The following RAD54B variants were observed in gnomAD, a reference collection of about 807,000 sequenced individuals.
The protein encoded by RAD54B is DNA repair and recombination protein RAD54B.
A neutral mutation model predicts 95.8 loss-of-function variants in RAD54B; 78 were observed. That is an observed-to-expected ratio of 0.81 (90% CI 0.68 to 0.98). RAD54B has a LOEUF of 0.98. RAD54B is among the 50% of genes least tolerant of loss of function. The pLI, the probability that RAD54B is intolerant of heterozygous loss-of-function variation, is 0.00. For synonymous variants in RAD54B, 328 were observed against 354.9 expected (o/e 0.92, Z 0.85); for missense variants, 957 against 1,056.6 (o/e 0.91, Z 1.31).
At chr8:94,399,294 GT>G in intron 8 of RAD54B, 119 bp downstream of exon 8, 1 of 753,992 alleles carries the variant, frequency 1.3e-6, no homozygotes, top group South Asian at 1.8e-5. Flanking sequence ...ATTAACACAG[GT>G]TTATTAGTAT....
intron 3 of RAD54B, among the ~76,000 whole-genome samples, chr8:94,435,814 G>C (rs1195529887): frequency 2.0e-5 from 3 of 152,028 alleles, no homozygotes; most frequent in African/African-American, 7.2e-5. Flanking sequence ...CAAGATCAAA[G>C]TGAAACTAGA....
At chr8:94,375,437 T>G (rs907843923) in intron 14 of RAD54B, among the ~76,000 whole-genome samples, 13 of 152,144 alleles carry the variant, frequency 8.5e-5, no homozygotes, top group Non-Finnish European at 1.8e-4. Context: ...AAAATGGGAA[T>G]TGCCCTGCAC....
intron 3 of RAD54B, among the ~76,000 whole-genome samples, chr8:94,414,042 G>T (rs1811594426): frequency 6.6e-6 from 1 of 151,894 alleles, no homozygotes; most frequent in South Asian, 2.1e-4. Flanking sequence ...CACCAGGTTG[G>T]CCAGGCTGGT....
intron 1 of RAD54B, 128 bp from the exon 2 acceptor site, chr8:94,467,683 A>G: frequency 1.1e-6 from 1 of 908,216 alleles, no homozygotes; most frequent in Non-Finnish European, 1.6e-6. Context: ...TGGCCCCCCA[A>G]GCATAGAAAC....
At chr8:94,378,413 G>C in intron 13 of RAD54B, 33 bp from the exon 14 acceptor site, 2 of 1,573,304 alleles carry the variant, frequency 1.3e-6, no homozygotes, top group Non-Finnish European at 1.7e-6. Flanking sequence ...ATTTCCTTCA[G>C]ATCTTTATGT....
chr8:94,406,963 A>T lies in RAD54B; in HGVS notation c.781+476T>A, dbSNP rs1201631671. 2.6e-5 allele frequency among the ~76,000 whole-genome samples: 4 copies of T among 152,302 alleles called. No individual in the cohort carries two copies. In the East Asian group the frequency reaches 7.7e-4, roughly 29 times the overall value. ...AATTGCATTCATCAGTGTGAAAATT[A>T]ACTGATTGAATGGAACTTTCACTAG... On this transcript the variant is annotated intron_variant, in intron 5 of 14. Coordinates refer to ENST00000336148, the MANE Select transcript of RAD54B (RefSeq NM_012415.3).
chr8:94,387,273 C>A, intron 10 of RAD54B, 114 bp from the exon 11 acceptor site: 1 of 847,482 alleles, frequency 1.2e-6, no homozygotes, highest in African/African-American at 1.7e-5. Flanking sequence ...TCTGAAAAGT[C>A]CAAGAAACTG....
chr8:94,372,089 C>T lies in RAD54B; in HGVS notation c.*81G>A, dbSNP rs1810453877. 1.3e-6 allele frequency: 2 copies of T among 1,487,114 alleles called. No homozygotes were observed. 92.1% of individuals were successfully genotyped at this position (1,487,114 alleles called of 1,614,324 possible). A position where few individuals can be genotyped will look rare whatever the true frequency, so the allele number is the denominator to read the frequency against. ...AACATATACTGTAATTTAAATAATT[C>T]TATTAATTTTCAAAAAGTACATTTA... On this transcript the variant is annotated 3_prime_UTR_variant, in exon 15 of 15. Coordinates refer to ENST00000336148, the MANE Select transcript of RAD54B (RefSeq NM_012415.3).
chr8:94,404,178 G>A lies in RAD54B; in HGVS notation c.843C>T (p.Phe281=). The A allele has an allele frequency of 6.2e-7, 1 of 1,611,516 alleles. No individual in the cohort carries two copies. Among genetic ancestry groups the A allele is most frequent in the Non-Finnish European group, 8.5e-7 (1 of 1,178,258 alleles). ...GATCAATCACTACATCCACAAGAGG[G>A]AAACAGTTCTTATTGAATACCCACT... ...NHQWVFNKNC[F]PLVDVVIDPY... is the part of the protein sequence containing the mutation. Residue 281 remains phenylalanine, a synonymous_variant, in exon 6 of 15, where the codon TTC becomes TTT. Coordinates refer to ENST00000336148, the MANE Select transcript of RAD54B (RefSeq NM_012415.3).
At chr8:94,415,895 T>G (rs1022424312) in intron 3 of RAD54B, among the ~76,000 whole-genome samples, 2 of 152,006 alleles carry the variant, frequency 1.3e-5, no homozygotes, top group African/African-American at 4.8e-5. Context: ...TGTGGAGAAA[T>G]AGGAACACTT....
intron 8 of RAD54B, among the ~76,000 whole-genome samples, chr8:94,394,497 CA>C (rs1400444413): frequency 6.6e-6 from 1 of 152,030 alleles, no homozygotes; most frequent in East Asian, 1.9e-4. Context: ...AAGTACCCAG[CA>C]AAATGCCTGA....
chr8:94,400,468 T>C lies in RAD54B; in HGVS notation c.945-5A>G. Reference sequence around the variant, plus strand: ...GCTCCACATCTGCCATTCATTCTGTTAGAAATAATTTTACTTCCTTTAATC... The same window carrying C: ...GCTCCACATCTGCCATTCATTCTGTCAGAAATAATTTTACTTCCTTTAATC... On this transcript the variant is annotated splice_polypyrimidine_tract_variant and splice_region_variant and intron_variant, in intron 6 of 14. Transcript: ENST00000336148. 1 of 1,592,658 alleles carries C rather than the reference T, an allele frequency of 6.3e-7. No homozygotes were observed. Among genetic ancestry groups the C allele is most frequent in the Non-Finnish European group, 8.6e-7 (1 of 1,167,990 alleles).
At chr8:94,390,228 G>A (rs1040470385) in intron 10 of RAD54B, among the ~76,000 whole-genome samples, 18 of 151,484 alleles carry the variant, frequency 1.2e-4, no homozygotes, top group East Asian at 7.7e-4. Flanking sequence ...GGCCAGGTGC[G>A]GTGGCTCAAG....
At chr8:94,394,735 CA>C (rs1811102326) in intron 8 of RAD54B, among the ~76,000 whole-genome samples, 1 of 152,072 alleles carries the variant, frequency 6.6e-6, no homozygotes, top group East Asian at 1.9e-4. Context: ...TCAGCACAAA[CA>C]ATGTAATATC....
intron 10 of RAD54B, among the ~76,000 whole-genome samples, chr8:94,389,213 G>A (rs921690592): frequency 2.0e-5 from 3 of 152,132 alleles, no homozygotes; most frequent in Non-Finnish European, 4.4e-5. Flanking sequence ...CCTCAGCCTC[G>A]CAAAGTGCTG....
At chr8:94,402,690 A>AG (rs1811292484) in intron 6 of RAD54B, among the ~76,000 whole-genome samples, 1 of 152,182 alleles carries the variant, frequency 6.6e-6, no homozygotes, top group Non-Finnish European at 1.5e-5. Context: ...CTAAGTTCTG[A>AG]GAGTCTCTGA....
At chr8:94,468,260 G>A (rs917068160) in intron 1 of RAD54B, among the ~76,000 whole-genome samples, 1 of 151,974 alleles carries the variant, frequency 6.6e-6, no homozygotes, top group Non-Finnish European at 1.5e-5. Flanking sequence ...ACAGAGTTTG[G>A]GTCTTAACCA....
intron 5 of RAD54B, among the ~76,000 whole-genome samples, chr8:94,406,914 CTTTT>C (rs920214015): frequency 1.3e-5 from 2 of 151,166 alleles, no homozygotes; most frequent in African/African-American, 4.9e-5. Flanking sequence ...ATCTAGGTTT[CTTTT>C]TTTTTAATGT....
intron 10 of RAD54B, among the ~76,000 whole-genome samples, chr8:94,391,318 G>A (rs1378345398): frequency 2.0e-5 from 3 of 151,090 alleles, no homozygotes; most frequent in Non-Finnish European, 4.4e-5. Flanking sequence ...AAATAGGAAG[G>A]GAGACGATCG....
Sources: gnomAD v4.1 joint callset for allele counts (sites outside exome capture counted in the v4.1 genomes callset) on GRCh38, gnomAD v4.1.1 for gene constraint, MANE v1.5 for transcripts, NCBI Gene and HGNC (gene_info 2026-07-23, HGNC 2026-07-21) for gene names.